The following SGMS1 variants were observed in gnomAD, a reference collection of about 807,000 sequenced individuals.
SGMS1 encodes the protein phosphatidylcholine:ceramide cholinephosphotransferase 1.
A neutral mutation model predicts 46.2 loss-of-function variants in SGMS1; 13 were observed. The observed-to-expected ratio is 0.28, with a 90% CI of 0.18 to 0.45. The LOEUF (loss-of-function observed/expected upper bound fraction) is 0.45, where lower values mean the gene tolerates loss of function less well. Among genes scored for constraint, SGMS1 ranks in the 20% least tolerant of loss-of-function variants. The probability of loss-of-function intolerance (pLI) is 1.00; values close to 1 mark genes in which losing one functional copy is unlikely to be tolerated. For missense variants in SGMS1, 324 were observed against 519.9 expected (o/e 0.62, Z 3.66); for synonymous variants, 203 against 187.8 (o/e 1.08, Z -0.66).
chr10:50,394,134 A>C (rs1848811751), intron 6 of SGMS1, among the ~76,000 whole-genome samples: 1 of 152,218 alleles, frequency 6.6e-6, no homozygotes, highest in African/African-American at 2.4e-5. Flanking sequence ...TTTCTTTAAA[A>C]CAACTAGTCT....
At chr10:50,525,854 A>C (rs1035003707) in intron 2 of SGMS1, among the ~76,000 whole-genome samples, 1 of 152,210 alleles carries the variant, frequency 6.6e-6, no homozygotes, top group Non-Finnish European at 1.5e-5. Flanking sequence ...CTCCAAAGCA[A>C]GACATTTTAA....
chr10:50,466,968 T>C (rs1183555686), intron 3 of SGMS1, 36 bp from the exon 4 acceptor site: 2 of 152,232 alleles, frequency 1.3e-5, no homozygotes, highest in Non-Finnish European at 2.9e-5. Flanking sequence ...AGTGCATTCT[T>C]TGTGCAATGA....
At chr10:50,326,039 C>A (rs1847525860) in intron 8 of SGMS1, among the ~76,000 whole-genome samples, 1 of 151,732 alleles carries the variant, frequency 6.6e-6, no homozygotes, top group East Asian at 1.9e-4. Context: ...AAAGAAACTG[C>A]AAGAAGGAGA....
At chr10:50,619,534 G>A (rs1838828318) in intron 1 of SGMS1, among the ~76,000 whole-genome samples, 1 of 152,212 alleles carries the variant, frequency 6.6e-6, no homozygotes, top group South Asian at 2.1e-4. Context: ...GGGGGAGAGG[G>A]GCCTGGGGGG....
chr10:50,505,605 A>G (rs1258386500), intron 3 of SGMS1, among the ~76,000 whole-genome samples: 2 of 152,204 alleles, frequency 1.3e-5, no homozygotes, highest in African/African-American at 2.4e-5. Flanking sequence ...TTCAACAAGT[A>G]CTTATTGAGG....
chr10:50,401,700 T>A (rs1242455883), intron 6 of SGMS1, among the ~76,000 whole-genome samples: 1 of 152,230 alleles, frequency 6.6e-6, no homozygotes, highest in African/African-American at 2.4e-5. Context: ...ACAATCAACA[T>A]TAGGCTTCTA....
chr10:50,577,451 A>G (rs989445107), intron 2 of SGMS1, among the ~76,000 whole-genome samples: 1 of 152,188 alleles, frequency 6.6e-6, no homozygotes, highest in Non-Finnish European at 1.5e-5. Context: ...CAACAACAAC[A>G]ACAAAAGGTC....
chr10:50,322,369 AT>A (rs1217812371), intron 8 of SGMS1, among the ~76,000 whole-genome samples: 1 of 152,166 alleles, frequency 6.6e-6, no homozygotes. Flanking sequence ...AGTGCAAGTT[AT>A]TTCTTCTCTT....
chr10:50,519,224 T>A (rs1005850447), intron 3 of SGMS1, among the ~76,000 whole-genome samples: 1 of 152,142 alleles, frequency 6.6e-6, no homozygotes, highest in Non-Finnish European at 1.5e-5. Context: ...GACACAGAAA[T>A]AGAACATAGA....
intron 1 of SGMS1, among the ~76,000 whole-genome samples, chr10:50,614,767 T>C (rs1443887447): frequency 6.6e-6 from 1 of 152,254 alleles, no homozygotes; most frequent in African/African-American, 2.4e-5. Context: ...GTACTGGCTC[T>C]CCACCAACAG....
At chr10:50,597,733 C>G (rs1475116283) in intron 1 of SGMS1, among the ~76,000 whole-genome samples, 1 of 152,106 alleles carries the variant, frequency 6.6e-6, no homozygotes, top group Non-Finnish European at 1.5e-5. Flanking sequence ...ACAGAACTGG[C>G]CGGGCGTGGT....
intron 6 of SGMS1, among the ~76,000 whole-genome samples, chr10:50,377,827 C>T (rs140866238): frequency 3.9e-5 from 6 of 152,146 alleles, no homozygotes; most frequent in African/African-American, 7.2e-5. Flanking sequence ...ACTGGCATTC[C>T]GTGGCATTCT....
At chr10:50,446,618 A>C (rs1203387) in intron 5 of SGMS1, among the ~76,000 whole-genome samples, 85,013 of 151,986 alleles carry the variant, frequency 0.56, 24,102 homozygotes, top group Non-Finnish European at 0.59. Flanking sequence ...AATCTATAAA[A>C]CACCAGCAAG....
At chr10:50,624,961 C>G (rs1015678461), upstream of SGMS1, 3 of 1,034,518 alleles carry the variant, frequency 2.9e-6, no homozygotes, top group African/African-American at 3.5e-5. Flanking sequence ...ATCTTCCGCC[C>G]GGCCATCGGG....
intron 2 of SGMS1, among the ~76,000 whole-genome samples, chr10:50,524,002 A>G (rs1350320733): frequency 6.6e-6 from 1 of 152,220 alleles, no homozygotes; most frequent in Admixed American, 6.5e-5. Flanking sequence ...TCATATTAGA[A>G]ATCCACATTT....
At chr10:50,322,803 C>A (rs1847470095) in intron 8 of SGMS1, among the ~76,000 whole-genome samples, 2 of 132,172 alleles carry the variant, frequency 1.5e-5, no homozygotes. Context: ...CTGCAGTCCG[C>A]AGTCCGGCCT....
chr10:50,325,691 C>T (rs1052578732), intron 8 of SGMS1, among the ~76,000 whole-genome samples: 1 of 152,186 alleles, frequency 6.6e-6, no homozygotes, highest in African/African-American at 2.4e-5. Context: ...AGTTTAGAAC[C>T]AGAGTAGGGA....
chr10:50,406,399 T>G (rs1018913766), intron 6 of SGMS1, among the ~76,000 whole-genome samples: 1 of 152,140 alleles, frequency 6.6e-6, no homozygotes, highest in Admixed American at 6.5e-5. Flanking sequence ...CGCCCATGAA[T>G]AGCTTTCCCT....
At chr10:50,341,604 CATT>C (rs1291420790) in intron 7 of SGMS1, among the ~76,000 whole-genome samples, 2 of 152,086 alleles carry the variant, frequency 1.3e-5, no homozygotes, top group Non-Finnish European at 2.9e-5. Flanking sequence ...ACTGAGACGT[CATT>C]ATTCCGTTTG....
Sources: allele counts gnomAD v4.1 joint callset (sites outside exome capture counted in the v4.1 genomes callset), GRCh38; gene constraint gnomAD v4.1.1; transcripts MANE v1.5; gene names NCBI Gene and HGNC (gene_info 2026-07-23, HGNC 2026-07-21).